ZNF664: variants seen among roughly 807,000 people sequenced by gnomAD.
ZNF664 encodes zinc finger Organ of Corti 1.
A neutral mutation model predicts 18.2 loss-of-function variants in ZNF664; 10 were observed. The ratio of observed to expected loss-of-function variants is 0.55; its 90% CI spans 0.34 to 0.93. The LOEUF is 0.93. Among genes scored for constraint, ZNF664 ranks in the 40% least tolerant of loss-of-function variants. The pLI, the probability that ZNF664 is intolerant of heterozygous loss-of-function variation, is 0.02. For synonymous variants in ZNF664, 119 were observed against 104.2 expected (o/e 1.14, Z -0.86); for missense variants, 193 against 319.0 (o/e 0.61, Z 3.01).
At chr12:123,976,537 C>T (rs1330411996) in intron 2 of ZNF664, among the ~76,000 whole-genome samples, 3 of 151,936 alleles carry the variant, frequency 2.0e-5, no homozygotes, top group East Asian at 3.9e-4. Context: ...TATTTTATCC[C>T]GAGTGAAATG....
At position 123,987,894 on chromosome 12, in the gene ZNF664, A is replaced by G. The variant is rs112540549; in HGVS notation, c.-756-149A>G. 1.5e-4 allele frequency: 169 copies of G among 1,145,810 alleles called. No homozygotes were observed. In the African/African-American group the frequency reaches 2.4e-3, roughly 16 times the overall value. The allele number at this position is 1,145,810 out of a possible 1,614,324, so 71.0% of individuals were successfully genotyped here. On this transcript the variant is annotated intron_variant, in intron 2 of 4. Coordinates refer to ENST00000337815, the MANE Select transcript of ZNF664 (RefSeq NM_152437.3). Reference sequence around the variant, plus strand: ...TGGACCTCCATGCCTTGAATCCCATATATTTATATAAATCCCAGATGTAAA... The same window carrying G: ...TGGACCTCCATGCCTTGAATCCCATGTATTTATATAAATCCCAGATGTAAA...
At chr12:123,976,964 C>G (rs1956700450) in intron 2 of ZNF664, among the ~76,000 whole-genome samples, 1 of 152,134 alleles carries the variant, frequency 6.6e-6, no homozygotes, top group South Asian at 2.1e-4. Context: ...CCCGTATTCC[C>G]AGCTACTCGG....
In ZNF664 at chr12:124,012,221, C is replaced by G. The variant is rs769593780; in HGVS notation, c.77C>G (p.Thr26Arg). ...CTTTTTATGCATCAGAAAATTCACA[C>G]AGCTGAGAAGCCCCATAAATGTGAC... ...ADLFMHQKIH[T>R]AEKPHKCDKC... Residue 26 changes from threonine (T) to arginine (R), a missense_variant, in exon 5 of 5, where the codon ACA becomes AGA. Physicochemically the swap from Thr to Arg is moderately conservative, Grantham distance 71. Coordinates refer to ENST00000337815, the MANE Select transcript of ZNF664 (RefSeq NM_152437.3). The G allele has an allele frequency of 3.7e-6, 6 of 1,614,006 alleles. No individual in the cohort carries two copies. The highest frequency in any genetic ancestry group is 1.1e-5 in the South Asian group (1 of 91,046).
chr12:124,013,145 C>T lies in ZNF664; in HGVS notation c.*215C>T. On this transcript the variant is annotated 3_prime_UTR_variant, in exon 5 of 5. Transcript: ENST00000337815. ...ACCTCTGAGCATCCACGCAGGATGG[C>T]TCTCAGGTCCCAGTCACAGACGTCG... 1.5e-6 allele frequency: 1 copy of T among 648,592 alleles called. No individual in the cohort carries two copies. The allele number at this position is 648,592 out of a possible 1,614,324, so 40.2% of individuals were successfully genotyped here.
rs117836072 is a variant in ZNF664, at chr12:124,012,558, C to G, written c.414C>G (p.Thr138=). The G allele has an allele frequency of 3.7e-6, 6 of 1,613,304 alleles. No homozygotes were observed. The highest frequency in any genetic ancestry group is 1.7e-5 in the Admixed American group (1 of 59,926). Residue 138 remains threonine, a synonymous_variant, in exon 5 of 5, where the codon ACC becomes ACG. Transcript: ENST00000337815. ...SNLCMHQRVH[T]GEKPFKCEEC... Reference sequence around the variant, plus strand: ...TTTGCATGCATCAGAGAGTCCACACCGGAGAGAAGCCCTTTAAATGTGAAG... The same window carrying G: ...TTTGCATGCATCAGAGAGTCCACACGGGAGAGAAGCCCTTTAAATGTGAAG...
chr12:124,012,046 C>T lies in ZNF664; in HGVS notation c.-99C>T, dbSNP rs1217039083. 6.8e-7 allele frequency: 1 copy of T among 1,473,552 alleles called. No individual in the cohort carries two copies. The highest frequency in any genetic ancestry group is 1.4e-5 in the African/African-American group (1 of 70,526). 91.3% of individuals were successfully genotyped at this position (1,473,552 alleles called of 1,614,324 possible). A position where few individuals can be genotyped will look rare whatever the true frequency, so the allele number is the denominator to read the frequency against. Reference sequence around the variant, plus strand: ...ATAGAGCAAGCCTGAGATAGACTGCCAAAATGGCCAAATAAGAGACTCTAT... The same window carrying T: ...ATAGAGCAAGCCTGAGATAGACTGCTAAAATGGCCAAATAAGAGACTCTAT... On this transcript the variant is annotated 5_prime_UTR_variant, in exon 5 of 5. Coordinates refer to ENST00000337815, the MANE Select transcript of ZNF664 (RefSeq NM_152437.3).
intron 1 of ZNF664, 161 bp from the exon 2 acceptor site, chr12:123,973,725 C>T (rs1418515997): frequency 9.3e-6 from 11 of 1,181,466 alleles, no homozygotes; most frequent in Non-Finnish European, 1.1e-5. Flanking sequence ...GTTGTTGGAG[C>T]CGAGGGAAGG....
intron 2 of ZNF664, among the ~76,000 whole-genome samples, chr12:123,980,224 G>A (rs1425809084): frequency 6.6e-6 from 1 of 152,114 alleles, no homozygotes; most frequent in Non-Finnish European, 1.5e-5. Context: ...GGGGAGACTG[G>A]TTTTTCATAT....
intron 3 of ZNF664, among the ~76,000 whole-genome samples, chr12:123,990,081 C>T (rs1956872107): frequency 6.6e-6 from 1 of 152,140 alleles, no homozygotes; most frequent in Admixed American, 6.5e-5. Flanking sequence ...TAAGAATAGT[C>T]ACATTCATGG....
rs912434504 is a variant in ZNF664, at chr12:123,996,000, C to T, written c.-661+7862C>T. ...TAGAGAGGGAGAGGTAATCCCTGAACAGGAAGTTAGAGTGCAGTTAGGAAA... is the reference window on the plus strand; with the variant it reads ...TAGAGAGGGAGAGGTAATCCCTGAATAGGAAGTTAGAGTGCAGTTAGGAAA... On this transcript the variant is annotated intron_variant, in intron 3 of 4. Coordinates refer to ENST00000337815, the MANE Select transcript of ZNF664 (RefSeq NM_152437.3). 6.6e-5 allele frequency among the ~76,000 whole-genome samples: 10 copies of T among 152,178 alleles called. No homozygotes were observed. In the East Asian group the frequency reaches 1.7e-3, roughly 26 times the overall value.
chr12:123,987,727 C>G (rs537518165), intron 2 of ZNF664, among the ~76,000 whole-genome samples: 1 of 152,266 alleles, frequency 6.6e-6, no homozygotes, highest in African/African-American at 2.4e-5. Context: ...TATCTTATAC[C>G]TATGAACCTT....
At position 124,013,723 on chromosome 12, in the gene ZNF664, AAGTG is replaced by A. The variant is rs1474290540; in HGVS notation, c.*796_*799del. On this transcript the variant is annotated 3_prime_UTR_variant, in exon 5 of 5. Transcript: ENST00000337815. ...AATAGCAGGGAGGAAGAAGCAAGCA[AAGTG>A]AGAGCTTTTCTTCATCCAGAATTGC... The A allele has an allele frequency of 1.2e-5, 2 of 167,110 alleles. No homozygotes were observed. The highest frequency in any genetic ancestry group is 6.5e-5 in the Admixed American group (1 of 15,290). The allele number at this position is 167,110 out of a possible 1,614,324, so 10.4% of individuals were successfully genotyped here.
At chr12:123,996,694 C>T (rs749608099) in intron 3 of ZNF664, among the ~76,000 whole-genome samples, 8 of 152,038 alleles carry the variant, frequency 5.3e-5, no homozygotes, top group Non-Finnish European at 1.2e-4. Context: ...TCGTTGGGGG[C>T]GGGCTTTATA....
Position 123,988,081 on chromosome 12 carries a change from G to A in ZNF664, c.-718G>A. The A allele has an allele frequency of 8.1e-7, 1 of 1,231,408 alleles. No homozygotes were observed. The highest frequency in any genetic ancestry group is 1.0e-6 in the Non-Finnish European group (1 of 987,822). The allele number at this position is 1,231,408 out of a possible 1,614,324, so 76.3% of individuals were successfully genotyped here. ...CCTTTGTAGTCCTTCAGCCACTGTG[G>A]GCCCTGCCTCTGCCTGTTCTTCTGG... On this transcript the variant is annotated 5_prime_UTR_variant, in exon 3 of 5. Coordinates refer to ENST00000337815, the MANE Select transcript of ZNF664 (RefSeq NM_152437.3).
rs574735406 is a variant in ZNF664 at position 124,002,282 on chromosome 12, G to T, written c.-660-9099G>T. Among the ~76,000 whole-genome samples the T allele has an allele frequency of 6.6e-5, 10 of 152,318 alleles. No individual in the cohort carries two copies. In the South Asian group the frequency reaches 8.3e-4, roughly 13 times the overall value. ...ACTAGAAAGGAGATGAGGGAGGCTG[G>T]TGTGTGGTTTGCAGAGAGTGCAGGA... On this transcript the variant is annotated intron_variant, in intron 3 of 4. Coordinates refer to ENST00000337815, the MANE Select transcript of ZNF664 (RefSeq NM_152437.3).
At chr12:123,994,273 T>A (rs1204541044) in intron 3 of ZNF664, among the ~76,000 whole-genome samples, 1 of 152,192 alleles carries the variant, frequency 6.6e-6, no homozygotes. Flanking sequence ...TTCCTTACAC[T>A]TTAAAAACCA....
chr12:123,991,957 T>C (rs1362249166), intron 3 of ZNF664, among the ~76,000 whole-genome samples: 1 of 152,248 alleles, frequency 6.6e-6, no homozygotes, highest in Non-Finnish European at 1.5e-5. Context: ...CAGACACAGC[T>C]TCTTTTGTCT....
intron 3 of ZNF664, chr12:124,011,157 A>AT: frequency 3.5e-6 from 1 of 283,022 alleles, no homozygotes; most frequent in Non-Finnish European, 5.3e-6. Flanking sequence ...AAAGGCAGCA[A>AT]TGTTGTACCT....
intron 3 of ZNF664, among the ~76,000 whole-genome samples, chr12:123,995,034 A>G (rs1434621285): frequency 1.8e-4 from 28 of 152,186 alleles, no homozygotes; most frequent in Admixed American, 1.3e-4. Flanking sequence ...AAAATGTACT[A>G]TTTGCATACT....
Sources: gnomAD v4.1 joint callset for allele counts (sites outside exome capture counted in the v4.1 genomes callset) on GRCh38, gnomAD v4.1.1 for gene constraint, MANE v1.5 for transcripts, NCBI Gene and HGNC (gene_info 2026-07-23, HGNC 2026-07-21) for gene names.